EVPL: variants seen among roughly 807,000 people sequenced by gnomAD.
The protein encoded by EVPL is envoplakin.
EVPL carries 94 observed loss-of-function variants against 129.7 expected under a neutral mutation model. The observed-to-expected ratio is 0.72, with a 90% CI of 0.61 to 0.86. The LOEUF is 0.86. EVPL is among the 40% of genes least tolerant of loss of function. The pLI, the probability that EVPL is intolerant of heterozygous loss-of-function variation, is 0.00. For missense variants in EVPL, 2,625 were observed against 2,721.1 expected, an observed-to-expected ratio of 0.96 and a Z score of 0.79; for synonymous variants, 1,172 against 1,191.1, an observed-to-expected ratio of 0.98 and a Z score of 0.33.
Position 76,009,147 on chromosome 17 carries a change from T to TCGTACAC in EVPL, c.4051_4057dup (p.Glu1353GlyfsTer47). The TCGTACAC allele has an allele frequency of 1.2e-6, 2 of 1,611,798 alleles. No individual in the cohort carries two copies. The highest frequency in any genetic ancestry group is 1.7e-6 in the Non-Finnish European group (2 of 1,179,822). On this transcript the variant is annotated frameshift_variant, in exon 22 of 22. Coordinates refer to ENST00000301607, the MANE Select transcript of EVPL (RefSeq NM_001988.4). LOFTEE classifies it low-confidence loss of function (END_TRUNC). This position sits in a 1 kb window ranked among gnomAD's most constrained non-coding sequence, Gnocchi z 5.9. Reference sequence around the variant, plus strand: ...CAGCAGCAGGCGCTTGCTCTGCAGCTCGTACACCGCGTCCTCCGCGGCCCG... The same window carrying TCGTACAC: ...CAGCAGCAGGCGCTTGCTCTGCAGCTCGTACACCGTACACCGCGTCCTCCGCGGCCCG...
In EVPL at chr17:76,007,831, T is replaced by A; in HGVS notation, c.5374A>T (p.Ile1792Phe). 3 of 1,611,766 alleles carry A rather than the reference T, an allele frequency of 1.9e-6. No individual in the cohort carries two copies. Among genetic ancestry groups the A allele is most frequent in the Non-Finnish European group, 2.5e-6 (3 of 1,178,312 alleles). The stretch of plus-strand genomic sequence containing the variant: ...GGGGACTTGGAGATGATAGAGCCGA[T>A]GGAGAGTGAGGAGCTTGGCTTGGTC... Reference protein sequence around the residue: ...GETKPSSSLSIGSIISKSPLA... With the variant: ...GETKPSSSLSFGSIISKSPLA... The change falls in exon 22 of 22, where the codon ATC becomes TTC. Residue 1792 changes from isoleucine (I) to phenylalanine (F), a missense_variant. Around this residue, in one of 4 missense-constraint regions of EVPL, gnomAD observed 1,453 missense variants for 1,511.8 expected, o/e 0.96. Transcript: ENST00000301607. The surrounding 1 kb of genome is among the most constrained non-coding windows in gnomAD (Gnocchi z 8.8).
intron 12 of EVPL, 86 bp downstream of exon 12, chr17:76,018,360 G>T: frequency 6.6e-7 from 1 of 1,522,658 alleles, no homozygotes; most frequent in Non-Finnish European, 8.8e-7. Flanking sequence ...CTTTGAGCAG[G>T]GGTCTGTTGG....
chr17:76,019,499 G>A, intron 10 of EVPL, 29 bp downstream of exon 10: 3 of 1,535,756 alleles, frequency 2.0e-6, no homozygotes, highest in Non-Finnish European at 2.6e-6. Context: ...CAGAAGTGGG[G>A]TGCAGACGGC....
Position 76,018,199 on chromosome 17 carries a change from T to C in EVPL, c.1499A>G (p.Lys500Arg). 6.4e-7 allele frequency: 1 copy of C among 1,551,104 alleles called. No homozygotes were observed. Among genetic ancestry groups the C allele is most frequent in the Non-Finnish European group, 8.7e-7 (1 of 1,146,888 alleles). The change falls in exon 13 of 22, where the codon AAG becomes AGG. Residue 500 changes from lysine to arginine, a missense_variant. This residue lies in a region of EVPL where 1,024 missense variants were observed against 997.5 expected (regional missense o/e 1.03). Transcript: ENST00000301607. ...CCGAAGAGACTCCACAGCACTGGCC[T>C]TCAGGCGGCTCTGGACTGTGGCCAA... is the stretch of plus-strand genomic sequence containing the variant. Reference protein sequence around the residue: ...QKLATVQSRLKASAVESLRPS... With the variant: ...QKLATVQSRLRASAVESLRPS...
chr17:76,010,571 G>T lies in EVPL; in HGVS notation c.2662-28C>A, dbSNP rs768230965. The T allele has an allele frequency of 2.5e-6, 4 of 1,584,142 alleles. No homozygotes were observed. The African/African-American group carries it at 5.5e-5, about 22-fold the overall frequency. Reference sequence around the variant, plus strand: ...GCAGAGAGGAAGAAGGGTAGAGCACGGGGTGGGCGGTAGAGATAGGAGCTC... The same window carrying T: ...GCAGAGAGGAAGAAGGGTAGAGCACTGGGTGGGCGGTAGAGATAGGAGCTC... On this transcript the variant is annotated intron_variant, in intron 21 of 21. Coordinates refer to ENST00000301607, the MANE Select transcript of EVPL (RefSeq NM_001988.4).
chr17:76,012,742 C>CTTTT (rs56349197), intron 18 of EVPL, among the ~76,000 whole-genome samples: 4 of 117,528 alleles, frequency 3.4e-5, no homozygotes, highest in Admixed American at 8.6e-5. Flanking sequence ...TCTTTCTTTT[C>CTTTT]TTTTTTTTTT....
chr17:76,008,663 C>G lies in EVPL; in HGVS notation c.4542G>C (p.Ser1514=). 6.2e-7 allele frequency: 1 copy of G among 1,612,638 alleles called. No individual in the cohort carries two copies. The highest frequency in any genetic ancestry group is 1.1e-5 in the South Asian group (1 of 91,086). The change falls in exon 22 of 22, where the codon TCG becomes TCC. Residue 1514 remains serine (S), a synonymous_variant. Transcript: ENST00000301607. The surrounding 1 kb of genome is among the most constrained non-coding windows in gnomAD (Gnocchi z 7.4). Reference sequence around the variant, plus strand: ...CTTCCTTGTAGATGGTCTTCTCCTGCGATTTGGCTTTCTGGAGGACGTCAA... The same window carrying G: ...CTTCCTTGTAGATGGTCTTCTCCTGGGATTTGGCTTTCTGGAGGACGTCAA... ...VQIDVLQKAK[S]QEKTIYKEVI... is the part of the protein sequence containing the mutation.
At position 76,007,903 on chromosome 17, in the gene EVPL, C is replaced by A; in HGVS notation, c.5302G>T (p.Asp1768Tyr). Reference sequence around the variant, plus strand: ...AACTCGGAGATGGGCAGGTGGCCGTCCTTGTACAGATGGTACTCCTCCTTA... The same window carrying A: ...AACTCGGAGATGGGCAGGTGGCCGTACTTGTACAGATGGTACTCCTCCTTA... Reference protein sequence around the residue: ...ISKEEYHLYKDGHLPISEFAL... With the variant: ...ISKEEYHLYKYGHLPISEFAL... The change falls in exon 22 of 22, where the codon GAC (aspartate) becomes TAC (tyrosine). Residue 1768 changes from aspartate (D) to tyrosine (Y), a missense_variant. Asp to Tyr is a radical substitution (Grantham distance 160). Around this residue, in one of 4 missense-constraint regions of EVPL, gnomAD observed 1,453 missense variants for 1,511.8 expected, o/e 0.96. Transcript: ENST00000301607. This position sits in a 1 kb window ranked among gnomAD's most constrained non-coding sequence, Gnocchi z 8.8. 1 of 1,614,102 alleles carries A rather than the reference C, an allele frequency of 6.2e-7. No homozygotes were observed.
chr17:76,011,145 C>G (rs1271285862), intron 21 of EVPL, among the ~76,000 whole-genome samples: 1 of 152,264 alleles, frequency 6.6e-6, no homozygotes, highest in Non-Finnish European at 1.5e-5. Context: ...CCCCTTCCAT[C>G]CAGGGACCCT....
In EVPL at chr17:76,017,778, T is replaced by G; in HGVS notation, c.1671A>C (p.Thr557=). 6.2e-7 allele frequency: 1 copy of G among 1,612,758 alleles called. No individual in the cohort carries two copies. Among genetic ancestry groups the G allele is most frequent in the Non-Finnish European group, 8.5e-7 (1 of 1,179,922 alleles). ...TGCGGCCCTCCAAGTCCTCCAAGGG[T>G]GTGGGGCGGCTCAGCGGGGCCCGCG... ...AWARAPLSRP[T]PLEDLEGRIH... is the part of the protein sequence containing the mutation. The change falls in exon 14 of 22, where the codon ACA becomes ACC. Residue 557 remains threonine (T), a synonymous_variant. Transcript: ENST00000301607.
Position 76,014,488 on chromosome 17 carries a change from G to C in EVPL, c.2311C>G (p.Arg771Gly), listed in dbSNP as rs758669913. 1.2e-6 allele frequency: 2 copies of C among 1,611,864 alleles called. No homozygotes were observed. Among genetic ancestry groups the C allele is most frequent in the East Asian group, 2.2e-5 (1 of 44,854 alleles). ...CCGTCGCTGGGCCGCACCTGGCTGCGGGGCAGGTGCTCCAGCCAGGAGCTC... is the reference window on the plus strand; with the variant it reads ...CCGTCGCTGGGCCGCACCTGGCTGCCGGGCAGGTGCTCCAGCCAGGAGCTC... The part of the protein sequence containing the change: ...NLSSWLEHLP[R>G]SQVRPSDGPS... The change falls in exon 18 of 22, where the codon CGC becomes GGC. Residue 771 changes from arginine (R) to glycine (G), a missense_variant. By Grantham distance (125) the Arg-to-Gly change is moderately radical. Transcript: ENST00000301607.
At position 76,018,658 on chromosome 17, in the gene EVPL, G is replaced by A. The variant is rs2066435901; in HGVS notation, c.1285-58C>T. ...GCTCAGGGGCAGGGGGCCAAGGCCA[G>A]GGCAGAGTAGGGGCTGGGGACAGAG... On this transcript the variant is annotated intron_variant, in intron 11 of 21. Coordinates refer to ENST00000301607, the MANE Select transcript of EVPL (RefSeq NM_001988.4). The A allele has an allele frequency of 2.6e-6, 4 of 1,526,470 alleles. No homozygotes were observed. The African/African-American group carries it at 4.1e-5, about 16-fold the overall frequency. 94.6% of individuals were successfully genotyped at this position (1,526,470 alleles called of 1,614,324 possible).
In EVPL at chr17:76,008,468, G is replaced by C. The variant is rs749831530; in HGVS notation, c.4737C>G (p.Ser1579=). The C allele has an allele frequency of 6.3e-7, 1 of 1,596,250 alleles. No individual in the cohort carries two copies. The highest frequency in any genetic ancestry group is 2.3e-5 in the East Asian group (1 of 44,314). ...TLGRTWSREE[S]ELQRARDQAD... ...CCTGGTCCCGGGCCCTCTGCAGCTC[G>C]GACTCCTCCCGGGACCAGGTTCTCC... is the stretch of plus-strand genomic sequence containing the variant. Residue 1579 remains serine (S), a synonymous_variant, in exon 22 of 22, where the codon TCC becomes TCG. Coordinates refer to ENST00000301607, the MANE Select transcript of EVPL (RefSeq NM_001988.4). This position sits in a 1 kb window ranked among gnomAD's most constrained non-coding sequence, Gnocchi z 7.4.
chr17:76,014,653 G>T, intron 17 of EVPL, 77 bp from the exon 18 acceptor site: 1 of 1,545,240 alleles, frequency 6.5e-7, no homozygotes, highest in South Asian at 1.2e-5. Flanking sequence ...GGAGGCTGAT[G>T]GGAGCCTCCT....
Position 76,022,404 on chromosome 17 carries a change from C to A in EVPL, c.606+9G>T, listed in dbSNP as rs2066468047. 2.5e-6 allele frequency: 4 copies of A among 1,613,442 alleles called. No homozygotes were observed. The South Asian group carries it at 4.4e-5, about 18-fold the overall frequency. On this transcript the variant is annotated intron_variant, in intron 5 of 21. Coordinates refer to ENST00000301607, the MANE Select transcript of EVPL (RefSeq NM_001988.4). This position sits in a 1 kb window ranked among gnomAD's most constrained non-coding sequence, Gnocchi z 5.6. The stretch of plus-strand genomic sequence containing the variant: ...GGCCCCGGATGTGACATCCTCCAGG[C>A]TCACCTACCGGCCCCACGAGGCTCC...
intron 14 of EVPL, among the ~76,000 whole-genome samples, chr17:76,016,922 C>CA (rs2066422327): frequency 6.8e-6 from 1 of 147,410 alleles, no homozygotes; most frequent in African/African-American, 2.5e-5. Context: ...TCTCATAAAA[C>CA]AAAAAACAGA....
At chr17:76,011,522 C>T in intron 21 of EVPL, 54 bp downstream of exon 21, 2 of 1,473,296 alleles carry the variant, frequency 1.4e-6, no homozygotes, top group Non-Finnish European at 1.9e-6. Flanking sequence ...ATGGAGTGGG[C>T]ATTCCTGGTT....
rs2066329669 is a variant in EVPL, at chr17:76,007,595, G to T, written c.5610C>A (p.Asp1870Glu). Residue 1870 changes from aspartate to glutamate, a missense_variant, in exon 22 of 22, where the codon GAC becomes GAA. Transcript: ENST00000301607. This position sits in a 1 kb window ranked among gnomAD's most constrained non-coding sequence, Gnocchi z 8.8. Reference sequence around the variant, plus strand: ...CAGAGTAGCGCTCACGGCTGAGCAGGTCCACGATGCCCCCTGTGGCCGCCT... The same window carrying T: ...CAGAGTAGCGCTCACGGCTGAGCAGTTCCACGATGCCCCCTGTGGCCGCCT... ...EAQAATGGIV[D>E]LLSRERYSVH... 3.1e-6 allele frequency: 5 copies of T among 1,613,890 alleles called. No individual in the cohort carries two copies. In the African/African-American group the frequency reaches 6.7e-5, roughly 22 times the overall value.
At position 76,021,896 on chromosome 17, in the gene EVPL, C is replaced by G. The variant is rs533467854; in HGVS notation, c.778G>C (p.Asp260His). The part of the protein sequence containing the change: ...LQQDWSDLMA[D>H]PAGVRREYEH... The stretch of plus-strand genomic sequence containing the variant: ...TACTCCCGCCGCACGCCCGCAGGGT[C>G]GGCCATGAGGTCGCTCCAGTCCTGC... The change falls in exon 7 of 22, where the codon GAC becomes CAC. Residue 260 changes from aspartate (D) to histidine (H), a missense_variant. Asp to His is a moderately conservative substitution (Grantham distance 81). This residue lies in a region of EVPL where 1,024 missense variants were observed against 997.5 expected (regional missense o/e 1.03). Coordinates refer to ENST00000301607, the MANE Select transcript of EVPL (RefSeq NM_001988.4). 1.3e-6 allele frequency: 2 copies of G among 1,561,208 alleles called. No individual in the cohort carries two copies. The highest frequency in any genetic ancestry group is 1.8e-5 in the Admixed American group (1 of 54,604).
Sources: gnomAD v4.1 joint callset for allele counts (sites outside exome capture counted in the v4.1 genomes callset) on GRCh38, gnomAD v4.1.1 for gene constraint, gnomAD v4.1.1 regional missense constraint, Gnocchi (gnomAD v3.1) non-coding constraint, MANE v1.5 for transcripts, NCBI Gene and HGNC (gene_info 2026-07-23, HGNC 2026-07-21) for gene names.